The following SCN3B variants were observed in gnomAD, a reference collection of about 807,000 sequenced individuals.
SCN3B encodes the protein sodium channel regulatory subunit beta-3.
A neutral mutation model predicts 25.4 loss-of-function variants in SCN3B; 11 were observed. The observed-to-expected ratio is 0.43, with a 90% CI of 0.27 to 0.72. The LOEUF is 0.72. SCN3B is among the 30% of genes least tolerant of loss of function. The pLI, the probability that SCN3B is intolerant of heterozygous loss-of-function variation, is 0.18. For missense variants in SCN3B, 218 were observed against 278.3 expected (o/e 0.78, Z 1.54); for synonymous variants, 109 against 110.7 (o/e 0.99, Z 0.09).
rs1744348696 is a variant in SCN3B at position 123,654,531 on chromosome 11, G to T, written c.-331C>A. On this transcript the variant is annotated 5_prime_UTR_variant, in exon 1 of 7. Coordinates refer to ENST00000299333, the MANE Select transcript of SCN3B (RefSeq NM_001040151.2). ...CGGGAGCTCGCCCCCGGATGGTGCG[G>T]GGCCCCGACCCTGGGTGGCAGGTGA... 1 of 153,158 alleles carries T rather than the reference G, an allele frequency of 6.5e-6. No individual in the cohort carries two copies. The highest frequency in any genetic ancestry group is 2.4e-5 in the African/African-American group (1 of 41,476). 9.5% of individuals were successfully genotyped at this position (153,158 alleles called of 1,614,324 possible).
rs1191625850 is a variant in SCN3B, at chr11:123,642,046, A to AG, written c.445+399dup. Among the ~76,000 whole-genome samples, 1 of 152,122 alleles carries AG rather than the reference A, an allele frequency of 6.6e-6. No homozygotes were observed. Among genetic ancestry groups the AG allele is most frequent in the Non-Finnish European group, 1.5e-5 (1 of 68,032 alleles). On this transcript the variant is annotated intron_variant, in intron 4 of 6. Coordinates refer to ENST00000299333, the MANE Select transcript of SCN3B (RefSeq NM_001040151.2). This position sits in a 1 kb window ranked among gnomAD's most constrained non-coding sequence, Gnocchi z 4.3. Reference sequence around the variant, plus strand: ...TGGCTTAGAGGCATGTATTGCTTACAGGTAGAAGGAGAGATGACTTCCGGG... The same window carrying AG: ...TGGCTTAGAGGCATGTATTGCTTACAGGGTAGAAGGAGAGATGACTTCCGGG...
chr11:123,644,037 G>C (rs866028953), intron 3 of SCN3B, among the ~76,000 whole-genome samples: 2 of 152,234 alleles, frequency 1.3e-5, no homozygotes, highest in African/African-American at 2.4e-5. Flanking sequence ...CATTGTCTCT[G>C]TTACAAATCT....
At chr11:123,653,673 C>A (rs2137257585) in intron 2 of SCN3B, 74 bp downstream of exon 2, 4 of 1,540,522 alleles carry the variant, frequency 2.6e-6, no homozygotes, top group Non-Finnish European at 2.7e-6. Flanking sequence ...CTGTCACCAA[C>A]GACATCAATG....
In SCN3B at chr11:123,642,722, G is replaced by A. The variant is rs760736732; in HGVS notation, c.220-51C>T. On this transcript the variant is annotated intron_variant, in intron 3 of 6. Transcript: ENST00000299333. This position sits in a 1 kb window ranked among gnomAD's most constrained non-coding sequence, Gnocchi z 4.3. ...TAGGGCCAGGAAAGGAGATGGCAGT[G>A]GGGGGAAGCCGAGTTAGGGACAGGG... 1 of 1,430,450 alleles carries A rather than the reference G, an allele frequency of 7.0e-7. No homozygotes were observed. Among genetic ancestry groups the A allele is most frequent in the Admixed American group, 1.7e-5 (1 of 58,720 alleles). The allele number at this position is 1,430,450 out of a possible 1,614,324, so 88.6% of individuals were successfully genotyped here. A position where few individuals can be genotyped will look rare whatever the true frequency, so the allele number is the denominator to read the frequency against.
In SCN3B at chr11:123,633,596, T is replaced by C. The variant is rs994663095; in HGVS notation, c.*203A>G. The C allele has an allele frequency of 5.1e-6, 1 of 196,246 alleles. No homozygotes were observed. The highest frequency in any genetic ancestry group is 5.3e-5 in the Admixed American group (1 of 18,898). The allele number at this position is 196,246 out of a possible 1,614,324, so 12.2% of individuals were successfully genotyped here. A position where few individuals can be genotyped will look rare whatever the true frequency, so the allele number is the denominator to read the frequency against. On this transcript the variant is annotated 3_prime_UTR_variant, in exon 7 of 7. Transcript: ENST00000299333. Reference sequence around the variant, plus strand: ...AGTTCTGGCAGAGTCTTATGGTGCGTAGAGGTCTGATGGAGTTAGGGAGTC... The same window carrying C: ...AGTTCTGGCAGAGTCTTATGGTGCGCAGAGGTCTGATGGAGTTAGGGAGTC...
intron 2 of SCN3B, among the ~76,000 whole-genome samples, chr11:123,646,355 A>G (rs1293108026): frequency 6.6e-6 from 1 of 152,242 alleles, no homozygotes; most frequent in African/African-American, 2.4e-5. Flanking sequence ...ATGGTGAAAC[A>G]TGAGGCTAGA....
chr11:123,629,992 G>A lies in SCN3B; in HGVS notation c.*3807C>T, dbSNP rs1028617930. 6.6e-6 allele frequency: 1 copy of A among 152,198 alleles called. No homozygotes were observed. Among genetic ancestry groups the A allele is most frequent in the African/African-American group, 2.4e-5 (1 of 41,450 alleles). 9.4% of individuals were successfully genotyped at this position (152,198 alleles called of 1,614,324 possible). The stretch of plus-strand genomic sequence containing the variant: ...GAGGAGGACTCACAGATTCTGAGAT[G>A]GATGGAATTTCTTTTTTGATCCAAT... On this transcript the variant is annotated 3_prime_UTR_variant, in exon 7 of 7. Transcript: ENST00000299333.
chr11:123,634,039 T>C, intron 6 of SCN3B, 82 bp downstream of exon 6: 1 of 1,150,602 alleles, frequency 8.7e-7, no homozygotes, highest in African/African-American at 1.5e-5. Context: ...AAATTTAAAG[T>C]CACTTCAGTT....
At position 123,633,768 on chromosome 11, in the gene SCN3B, T is replaced by C; in HGVS notation, c.*31A>G. ...ATGGGATGTCCAGTCCCTCAGGTGTTCAGGCCACCTACCAAAGATAAAATA... is the reference window on the plus strand; with the variant it reads ...ATGGGATGTCCAGTCCCTCAGGTGTCCAGGCCACCTACCAAAGATAAAATA... On this transcript the variant is annotated 3_prime_UTR_variant, in exon 7 of 7. Coordinates refer to ENST00000299333, the MANE Select transcript of SCN3B (RefSeq NM_001040151.2). The C allele has an allele frequency of 3.0e-6, 1 of 334,250 alleles. No individual in the cohort carries two copies. 20.7% of individuals were successfully genotyped at this position (334,250 alleles called of 1,614,324 possible).
Position 123,633,686 on chromosome 11 carries a change from G to A in SCN3B, c.*113C>T, listed in dbSNP as rs2137230452. 3.6e-6 allele frequency: 1 copy of A among 276,266 alleles called. No homozygotes were observed. Among genetic ancestry groups the A allele is most frequent in the Non-Finnish European group, 7.1e-6 (1 of 140,670 alleles). The allele number at this position is 276,266 out of a possible 1,614,324, so 17.1% of individuals were successfully genotyped here. On this transcript the variant is annotated 3_prime_UTR_variant, in exon 7 of 7. Transcript: ENST00000299333. Reference sequence around the variant, plus strand: ...TGAATGAACAGAACAATGGATGCATGAAGGGAAGCGATGGGGCCCTTGGGG... The same window carrying A: ...TGAATGAACAGAACAATGGATGCATAAAGGGAAGCGATGGGGCCCTTGGGG...
chr11:123,633,592 T>G lies in SCN3B; in HGVS notation c.*207A>C. The G allele has an allele frequency of 5.4e-6, 1 of 186,616 alleles. No homozygotes were observed. The highest frequency in any genetic ancestry group is 1.1e-5 in the Non-Finnish European group (1 of 88,222). 11.6% of individuals were successfully genotyped at this position (186,616 alleles called of 1,614,324 possible). The stretch of plus-strand genomic sequence containing the variant: ...TCTCAGTTCTGGCAGAGTCTTATGG[T>G]GCGTAGAGGTCTGATGGAGTTAGGG... On this transcript the variant is annotated 3_prime_UTR_variant, in exon 7 of 7. Coordinates refer to ENST00000299333, the MANE Select transcript of SCN3B (RefSeq NM_001040151.2).
At chr11:123,641,695 T>C (rs1211755267) in intron 4 of SCN3B, among the ~76,000 whole-genome samples, 3 of 152,226 alleles carry the variant, frequency 2.0e-5, no homozygotes, top group Admixed American at 6.5e-5. Context: ...CGGAACTAGC[T>C]GTAGGAGTCC....
intron 2 of SCN3B, among the ~76,000 whole-genome samples, chr11:123,649,285 GCAGT>G (rs1281225405): frequency 2.6e-5 from 4 of 152,218 alleles, no homozygotes; most frequent in African/African-American, 9.7e-5. Context: ...TGGAGGGAAA[GCAGT>G]CAGGATGGCA....
rs1955663907 is a variant in SCN3B, at chr11:123,630,909, G to C, written c.*2890C>G. On this transcript the variant is annotated 3_prime_UTR_variant, in exon 7 of 7. Transcript: ENST00000299333. ...TCTAAGTGGAAAGAGAACTGAAAGA[G>C]GAGTCAGAAGACCTGGATTCTTGCT... The C allele has an allele frequency of 6.6e-6, 1 of 152,208 alleles. No homozygotes were observed. The highest frequency in any genetic ancestry group is 6.5e-5 in the Admixed American group (1 of 15,280). The allele number at this position is 152,208 out of a possible 1,614,324, so 9.4% of individuals were successfully genotyped here.
At position 123,630,422 on chromosome 11, in the gene SCN3B, A is replaced by T. The variant is rs1426576068; in HGVS notation, c.*3377T>A. On this transcript the variant is annotated 3_prime_UTR_variant, in exon 7 of 7. Transcript: ENST00000299333. ...TGTTATTGAGGATCAGACATGGGAA[A>T]TATCCAGCACCAAGACAACAGATGG... 1 of 152,682 alleles carries T rather than the reference A, an allele frequency of 6.5e-6. No homozygotes were observed. The highest frequency in any genetic ancestry group is 1.9e-4 in the East Asian group (1 of 5,194). The allele number at this position is 152,682 out of a possible 1,614,324, so 9.5% of individuals were successfully genotyped here. A position where few individuals can be genotyped will look rare whatever the true frequency, so the allele number is the denominator to read the frequency against.
At chr11:123,649,990 C>T (rs1168210191) in intron 2 of SCN3B, among the ~76,000 whole-genome samples, 1 of 152,192 alleles carries the variant, frequency 6.6e-6, no homozygotes, top group Non-Finnish European at 1.5e-5. Flanking sequence ...AGACATGAGC[C>T]ACAGCACCCA....
intron 4 of SCN3B, chr11:123,640,397 C>T (rs966263766): frequency 3.3e-5 from 5 of 152,224 alleles, no homozygotes; most frequent in Admixed American, 1.3e-4. Flanking sequence ...CAAAGAGAAC[C>T]AGGGAGACCT....
At chr11:123,646,141 G>T (rs551702033) in intron 2 of SCN3B, among the ~76,000 whole-genome samples, 7 of 152,256 alleles carry the variant, frequency 4.6e-5, no homozygotes, top group African/African-American at 1.7e-4. Context: ...TCCACTCTCT[G>T]CCAGGTCTGA....
chr11:123,644,800 AATATATATAT>A lies in SCN3B; in HGVS notation c.219+777_219+786del, dbSNP rs56135097. On this transcript the variant is annotated intron_variant, in intron 3 of 6. Transcript: ENST00000299333. ...GAGAGAGAGAGAGAGAGAGAGAGAG[AATATATATAT>A]ATATATATATATATATATATATATA... Among the ~76,000 whole-genome samples the A allele has an allele frequency of 3.9e-3, 176 of 45,570 alleles. 2 individuals are homozygous for A. The highest frequency in any genetic ancestry group is 0.028 in the Middle Eastern group (2 of 72). The allele number at this position is 45,570 out of a possible 152,430, so 29.9% of individuals were successfully genotyped here.
Sources: allele counts gnomAD v4.1 joint callset (sites outside exome capture counted in the v4.1 genomes callset), GRCh38; gene constraint gnomAD v4.1.1; non-coding constraint Gnocchi (gnomAD v3.1); transcripts MANE v1.5; gene names NCBI Gene and HGNC (gene_info 2026-07-23, HGNC 2026-07-21).